The following TGS1 variants were observed in gnomAD, a reference collection of about 807,000 sequenced individuals.
TGS1 encodes the protein trimethylguanosine synthase.
A neutral mutation model predicts 92.2 loss-of-function variants in TGS1; 69 were observed. The ratio of observed to expected loss-of-function variants is 0.75; its 90% CI spans 0.62 to 0.91. The LOEUF (loss-of-function observed/expected upper bound fraction) is 0.91. TGS1 is among the 40% of genes least tolerant of loss of function. The pLI is 0.00. For missense variants in TGS1, 1,062 were observed against 1,001.2 expected (o/e 1.06, Z -0.82); for synonymous variants, 345 against 338.1 (o/e 1.02, Z -0.22).
At chr8:55,779,578 G>C (rs16922234) in intron 1 of TGS1, among the ~76,000 whole-genome samples, 20,821 of 152,248 alleles carry the variant, frequency 0.14, 1,567 homozygotes, top group African/African-American at 0.19. Flanking sequence ...CTTGCAGTCA[G>C]TGGCAGCCCA....
intron 1 of TGS1, among the ~76,000 whole-genome samples, chr8:55,776,522 AC>A (rs1214691654): frequency 1.3e-5 from 2 of 151,578 alleles, no homozygotes; most frequent in Non-Finnish European, 2.9e-5. Flanking sequence ...CCTCTGATCC[AC>A]CCGCCTTGGC....
rs374121299 is a variant in TGS1, at chr8:55,773,711, A to G, written c.93A>G (p.Ala31=). Residue 31 remains alanine, a synonymous_variant, in exon 1 of 13, where the codon GCA becomes GCG. Coordinates refer to ENST00000260129, the MANE Select transcript of TGS1 (RefSeq NM_024831.8). ...DCKILCLCSR[A]FVEDRKLYNL... Reference sequence around the variant, plus strand: ...AGATACTGTGCCTTTGCTCCAGGGCATTTGTGGAGTAAGTAGAAAAGAGAA... The same window carrying G: ...AGATACTGTGCCTTTGCTCCAGGGCGTTTGTGGAGTAAGTAGAAAAGAGAA... The G allele has an allele frequency of 3.1e-6, 5 of 1,608,244 alleles. No homozygotes were observed. The highest frequency in any genetic ancestry group is 4.2e-6 in the Non-Finnish European group (5 of 1,176,656).
At chr8:55,789,450 A>T (rs942981146) in intron 4 of TGS1, among the ~76,000 whole-genome samples, 1 of 152,242 alleles carries the variant, frequency 6.6e-6, no homozygotes, top group African/African-American at 2.4e-5. Context: ...ATTCCATAAG[A>T]ATGTGACTGC....
chr8:55,811,152 A>C (rs1406716208), intron 11 of TGS1, 55 bp downstream of exon 11: 6 of 599,818 alleles, frequency 1.0e-5, no homozygotes, highest in Non-Finnish European at 1.6e-5. Context: ...GAGAGAAAGG[A>C]GCATGAGAGT....
chr8:55,803,565 G>A (rs950181119), intron 9 of TGS1, among the ~76,000 whole-genome samples: 3 of 152,026 alleles, frequency 2.0e-5, no homozygotes, highest in Admixed American at 6.6e-5. Flanking sequence ...CTATAAAAGT[G>A]TATATTCTTA....
chr8:55,785,058 G>GTTT (rs1262385274), intron 2 of TGS1, among the ~76,000 whole-genome samples: 61 of 143,640 alleles, frequency 4.2e-4, no homozygotes, highest in South Asian at 4.5e-4. Context: ...GGTGTTTTTT[G>GTTT]TTTTTTGTTT....
intron 12 of TGS1, among the ~76,000 whole-genome samples, chr8:55,822,064 TTTTC>T (rs1234748575): frequency 2.6e-5 from 4 of 151,226 alleles, no homozygotes; most frequent in Non-Finnish European, 4.4e-5. Context: ...ATTGGCTTTT[TTTTC>T]TTTCTTTCTT....
chr8:55,802,421 T>G (rs1195977931), intron 8 of TGS1, 36 bp from the exon 9 acceptor site: 1 of 1,574,158 alleles, frequency 6.4e-7, no homozygotes, highest in East Asian at 2.2e-5. Context: ...AATTTTTTTC[T>G]TAGTGAGCAT....
At chr8:55,823,406 G>T (rs1248705565) in intron 12 of TGS1, among the ~76,000 whole-genome samples, 1 of 152,152 alleles carries the variant, frequency 6.6e-6, no homozygotes, top group Non-Finnish European at 1.5e-5. Flanking sequence ...AAGTGGGGAG[G>T]GAGCAATGCT....
intron 9 of TGS1, among the ~76,000 whole-genome samples, chr8:55,803,692 C>CTTTTTTTTTTTTTTTTTTTTTTCTTT (rs111520676): frequency 6.9e-6 from 1 of 144,150 alleles, no homozygotes; most frequent in Admixed American, 7.0e-5. Context: ...TTTTTCTTTT[C>CTTTTTTTTTTTTTTTTTTTTTTCTTT]TTTTTTTTTT....
chr8:55,777,802 T>C (rs1010932758), intron 1 of TGS1, among the ~76,000 whole-genome samples: 1 of 152,216 alleles, frequency 6.6e-6, no homozygotes, highest in African/African-American at 2.4e-5. Context: ...CCCAAAGTGC[T>C]GGGATTACAT....
At chr8:55,819,436 A>G (rs1803575338) in intron 12 of TGS1, among the ~76,000 whole-genome samples, 1 of 151,288 alleles carries the variant, frequency 6.6e-6, no homozygotes, top group African/African-American at 2.4e-5. Context: ...AGCTGGGATT[A>G]CAGGCATATG....
At chr8:55,775,400 C>T (rs914982699) in intron 1 of TGS1, among the ~76,000 whole-genome samples, 1 of 152,130 alleles carries the variant, frequency 6.6e-6, no homozygotes, top group African/African-American at 2.4e-5. Flanking sequence ...ATTTAAAATA[C>T]TACTCAGGCG....
intron 8 of TGS1, among the ~76,000 whole-genome samples, chr8:55,801,337 C>T (rs916815927): frequency 6.6e-6 from 1 of 152,062 alleles, no homozygotes; most frequent in Non-Finnish European, 1.5e-5. Flanking sequence ...ATGGCGCATT[C>T]TCAGCTCACT....
At chr8:55,775,254 AAAGAAAAG>A (rs1811360685) in intron 1 of TGS1, among the ~76,000 whole-genome samples, 1 of 150,928 alleles carries the variant, frequency 6.6e-6, no homozygotes, top group African/African-American at 2.5e-5. Context: ...AAAAAAAAGA[AAAGAAAAG>A]AAAGAAAAGA....
intron 7 of TGS1, among the ~76,000 whole-genome samples, chr8:55,798,234 T>G (rs990351268): frequency 1.3e-5 from 2 of 152,190 alleles, no homozygotes; most frequent in African/African-American, 4.8e-5. Context: ...TCATTCTAAT[T>G]TACTCACTCT....
At chr8:55,786,016 T>C (rs2130126652) in intron 3 of TGS1, 125 bp downstream of exon 3, 1 of 808,280 alleles carries the variant, frequency 1.2e-6, no homozygotes, top group South Asian at 2.0e-5. Context: ...TTTAAATGTA[T>C]GTATTTATAA....
Position 55,773,577 on chromosome 8 carries a change from G to A in TGS1, c.-42G>A. 1.3e-6 allele frequency: 2 copies of A among 1,523,168 alleles called. No individual in the cohort carries two copies. The highest frequency in any genetic ancestry group is 1.8e-6 in the Non-Finnish European group (2 of 1,113,616). 94.4% of individuals were successfully genotyped at this position (1,523,168 alleles called of 1,614,324 possible). A position where few individuals can be genotyped will look rare whatever the true frequency, so the allele number is the denominator to read the frequency against. On this transcript the variant is annotated 5_prime_UTR_variant, in exon 1 of 13. Transcript: ENST00000260129. ...AACCGAGCGGAGGCCCGGCAGGCGCGACCCGGGCTGCGTACGTCAGAGCTG... is the reference window on the plus strand; with the variant it reads ...AACCGAGCGGAGGCCCGGCAGGCGCAACCCGGGCTGCGTACGTCAGAGCTG...
intron 10 of TGS1, among the ~76,000 whole-genome samples, chr8:55,808,620 T>G (rs1803251510): frequency 6.6e-6 from 1 of 151,960 alleles, no homozygotes. Context: ...GTGATTCTTC[T>G]GCCTCAGCCT....
Sources: allele counts gnomAD v4.1 joint callset (sites outside exome capture counted in the v4.1 genomes callset), GRCh38; gene constraint gnomAD v4.1.1; transcripts MANE v1.5; gene names NCBI Gene and HGNC (gene_info 2026-07-23, HGNC 2026-07-21).